GAS7: variants seen among roughly 807,000 people sequenced by gnomAD.
The protein encoded by GAS7 is growth arrest-specific protein 7.
GAS7 carries 28 observed loss-of-function variants against 71.1 expected under a neutral mutation model. The ratio of observed to expected loss-of-function variants is 0.39; its 90% CI spans 0.29 to 0.54. The LOEUF is 0.54. GAS7 is among the 20% of genes least tolerant of loss of function. The pLI is 0.62. For synonymous variants in GAS7, 258 were observed against 245.8 expected, an observed-to-expected ratio of 1.05 and a Z score of -0.46; for missense variants, 436 against 627.8, an observed-to-expected ratio of 0.69 and a Z score of 3.27.
chr17:9,915,434 G>A lies in GAS7; in HGVS notation c.*1794C>T. On this transcript the variant is annotated 3_prime_UTR_variant, in exon 14 of 14. Coordinates refer to ENST00000432992, the MANE Select transcript of GAS7 (RefSeq NM_201433.2). The stretch of plus-strand genomic sequence containing the variant: ...TGACCCAACCCCAGATCTGGACAGA[G>A]TGGTTCTCCATCCCATGGACAGATC... The A allele has an allele frequency of 4.3e-6, 1 of 230,376 alleles. No homozygotes were observed. Among genetic ancestry groups the A allele is most frequent in the Non-Finnish European group, 8.6e-6 (1 of 116,004 alleles). The allele number at this position is 230,376 out of a possible 1,614,324, so 14.3% of individuals were successfully genotyped here.
chr17:9,976,194 A>G (rs1035467977), intron 3 of GAS7, among the ~76,000 whole-genome samples: 42 of 152,364 alleles, frequency 2.8e-4, no homozygotes, highest in African/African-American at 9.1e-4. Flanking sequence ...ATTTTCCCAC[A>G]TGGTTGTGAA....
chr17:10,026,887 G>T lies in GAS7; in HGVS notation c.184-6990C>A, dbSNP rs1169005741. Reference sequence around the variant, plus strand: ...TCTAAGAATACTGGGCGCATTTCCTGTCTCACAGGTGAAAGTATTGCGCTC... The same window carrying T: ...TCTAAGAATACTGGGCGCATTTCCTTTCTCACAGGTGAAAGTATTGCGCTC... On this transcript the variant is annotated intron_variant, in intron 1 of 13. Coordinates refer to ENST00000432992, the MANE Select transcript of GAS7 (RefSeq NM_201433.2). The surrounding 1 kb of genome is among the most constrained non-coding windows in gnomAD (Gnocchi z 4.5). 1 of 152,192 alleles carries T rather than the reference G, an allele frequency of 6.6e-6. No homozygotes were observed. The highest frequency in any genetic ancestry group is 6.5e-5 in the Admixed American group (1 of 15,280). The allele number at this position is 152,192 out of a possible 1,614,324, so 9.4% of individuals were successfully genotyped here.
At chr17:10,046,149 G>A (rs2072951593) in intron 1 of GAS7, among the ~76,000 whole-genome samples, 1 of 151,950 alleles carries the variant, frequency 6.6e-6, no homozygotes, top group South Asian at 2.1e-4. Context: ...TTTTAATCCA[G>A]AAAACTGAAC....
chr17:10,089,896 A>G (rs62065855), intron 1 of GAS7, among the ~76,000 whole-genome samples: 53,904 of 151,964 alleles, frequency 0.35, 10,291 homozygotes, highest in African/African-American at 0.41. Context: ...GGCCGGGTGC[A>G]GTGGCTCACA....
At chr17:10,155,438 C>CTGA (rs1201424674) in intron 1 of GAS7, among the ~76,000 whole-genome samples, 44 of 152,328 alleles carry the variant, frequency 2.9e-4, no homozygotes, top group African/African-American at 9.4e-4. Context: ...CAGCTCTGCC[C>CTGA]TATTCAGAAA....
chr17:9,963,958 G>A (rs2069603730), intron 4 of GAS7, among the ~76,000 whole-genome samples: 1 of 152,072 alleles, frequency 6.6e-6, no homozygotes, highest in Non-Finnish European at 1.5e-5. Context: ...GATTGGGGGA[G>A]GGGATGGGAG....
chr17:10,174,561 G>A (rs1161037278), intron 1 of GAS7, among the ~76,000 whole-genome samples: 11 of 151,952 alleles, frequency 7.2e-5, no homozygotes, highest in Non-Finnish European at 5.9e-5. Context: ...GCGCAGTGGC[G>A]GGCGCCTGTA....
chr17:9,980,362 G>A (rs1007232346), intron 3 of GAS7, among the ~76,000 whole-genome samples: 7 of 152,170 alleles, frequency 4.6e-5, no homozygotes, highest in African/African-American at 1.7e-4. Context: ...TCCCTCTTCC[G>A]ATCCAGTATT....
chr17:10,081,387 C>T (rs1336958541), intron 1 of GAS7, among the ~76,000 whole-genome samples: 1 of 152,172 alleles, frequency 6.6e-6, no homozygotes, highest in African/African-American at 2.4e-5. Context: ...AACTCCTGAC[C>T]TTGTGATCCA....
chr17:9,998,140 T>C (rs2071119836), intron 2 of GAS7, among the ~76,000 whole-genome samples: 1 of 152,242 alleles, frequency 6.6e-6, no homozygotes. Flanking sequence ...TGTGACCAGC[T>C]GCCATCCTGA....
At chr17:10,110,040 C>T (rs1264139160) in intron 1 of GAS7, among the ~76,000 whole-genome samples, 2 of 119,316 alleles carry the variant, frequency 1.7e-5, no homozygotes, top group Non-Finnish European at 3.3e-5. Flanking sequence ...GGCGACACAG[C>T]AAGGCTCCGT....
At chr17:9,980,344 G>C (rs1374320473) in intron 3 of GAS7, among the ~76,000 whole-genome samples, 2 of 152,102 alleles carry the variant, frequency 1.3e-5, no homozygotes, top group Admixed American at 6.5e-5. Flanking sequence ...CTCGCTTTGC[G>C]TCCCACCTCC....
intron 1 of GAS7, among the ~76,000 whole-genome samples, chr17:10,044,702 G>T (rs891502383): frequency 6.6e-6 from 1 of 151,994 alleles, no homozygotes; most frequent in African/African-American, 2.4e-5. Context: ...TAATTGAAAA[G>T]AATCCACATA....
chr17:9,996,390 G>A (rs1486078415), intron 2 of GAS7, among the ~76,000 whole-genome samples: 4 of 144,494 alleles, frequency 2.8e-5, no homozygotes, highest in Non-Finnish European at 4.6e-5. Flanking sequence ...AGGGACACAG[G>A]AAGGGGAACA....
chr17:10,046,863 AAAG>A (rs2072979580), intron 1 of GAS7, among the ~76,000 whole-genome samples: 1 of 141,892 alleles, frequency 7.0e-6, no homozygotes, highest in Non-Finnish European at 1.5e-5. Context: ...AGAAAAGAAA[AAAG>A]AAAAGAAAAG....
chr17:10,047,423 C>T (rs2072993998), intron 1 of GAS7, among the ~76,000 whole-genome samples: 1 of 152,184 alleles, frequency 6.6e-6, no homozygotes, highest in African/African-American at 2.4e-5. Flanking sequence ...GTCAACCTTC[C>T]CCCAAGCCGA....
intron 9 of GAS7, among the ~76,000 whole-genome samples, chr17:9,929,868 T>C (rs1252085640): frequency 2.0e-5 from 3 of 152,136 alleles, no homozygotes; most frequent in African/African-American, 7.2e-5. Flanking sequence ...TAAGCATCTC[T>C]GTTGAACCAG....
chr17:10,017,473 C>T (rs1320354361), intron 2 of GAS7, among the ~76,000 whole-genome samples: 8 of 152,030 alleles, frequency 5.3e-5, no homozygotes, highest in South Asian at 2.1e-4. Flanking sequence ...GGACTACAGG[C>T]GCCCGCCACC....
chr17:10,183,954 C>T (rs546680018), intron 1 of GAS7, among the ~76,000 whole-genome samples: 90 of 152,282 alleles, frequency 5.9e-4, no homozygotes, highest in African/African-American at 2.1e-3. Flanking sequence ...CTCTGCTGCC[C>T]CCACCTCCCA....
Sources: allele counts gnomAD v4.1 joint callset (sites outside exome capture counted in the v4.1 genomes callset), GRCh38; gene constraint gnomAD v4.1.1; non-coding constraint Gnocchi (gnomAD v3.1); transcripts MANE v1.5; gene names NCBI Gene and HGNC (gene_info 2026-07-23, HGNC 2026-07-21).